ANKS1B: variants seen among roughly 807,000 people sequenced by gnomAD.
ANKS1B encodes ankyrin repeat and sterile alpha motif domain-containing protein 1B.
ANKS1B carries 36 observed loss-of-function variants against 148.3 expected under a neutral mutation model. The ratio of observed to expected loss-of-function variants is 0.24; its 90% CI spans 0.19 to 0.32. ANKS1B has a LOEUF of 0.32. ANKS1B is among the 10% of genes least tolerant of loss of function. ANKS1B has a pLI of 1.00. For missense variants in ANKS1B, 1,157 were observed against 1,542.6 expected (o/e 0.75, Z 4.19); for synonymous variants, 542 against 560.8 (o/e 0.97, Z 0.47).
At chr12:99,857,181 A>C (rs1384701176) in intron 1 of ANKS1B, among the ~76,000 whole-genome samples, 1 of 152,222 alleles carries the variant, frequency 6.6e-6, no homozygotes, top group East Asian at 1.9e-4. Flanking sequence ...TGAATTCAGC[A>C]AAGTTTCTGG....
rs2099948421 is a variant in ANKS1B, at chr12:99,025,839, G to A, written c.2778+27318C>T. Among the ~76,000 whole-genome samples the A allele has an allele frequency of 1.3e-5, 2 of 152,196 alleles. 1 individual carries two copies. Among genetic ancestry groups the A allele is most frequent in the Admixed American group, 1.3e-4 (2 of 15,280 alleles). Reference sequence around the variant, plus strand: ...AATCCACTGGAAGCTGGAGAACTGTGGGTCTAGGTGCTTCTCAGTGTCAAT... The same window carrying A: ...AATCCACTGGAAGCTGGAGAACTGTAGGTCTAGGTGCTTCTCAGTGTCAAT... On this transcript the variant is annotated intron_variant, in intron 17 of 26. Coordinates refer to ENST00000683438, the MANE Select transcript of ANKS1B (RefSeq NM_001352186.2).
chr12:98,746,018 C>T (rs1417261371), intron 26 of ANKS1B, among the ~76,000 whole-genome samples, 169 bp from the exon 27 acceptor site: 1 of 152,190 alleles, frequency 6.6e-6, no homozygotes, highest in Non-Finnish European at 1.5e-5. Flanking sequence ...TTACCGCATA[C>T]CGACTCTCTG....
chr12:99,625,045 C>A (rs1462662932), intron 9 of ANKS1B, among the ~76,000 whole-genome samples: 2 of 152,026 alleles, frequency 1.3e-5, no homozygotes, highest in Non-Finnish European at 2.9e-5. Flanking sequence ...TACATATATA[C>A]CATGGGATAC....
chr12:99,845,197 C>G (rs1360254624), intron 1 of ANKS1B, among the ~76,000 whole-genome samples: 1 of 152,196 alleles, frequency 6.6e-6, no homozygotes, highest in Non-Finnish European at 1.5e-5. Flanking sequence ...TTGACTTCCT[C>G]TCTTCCTATT....
chr12:98,931,679 C>G (rs1482755855), intron 17 of ANKS1B: 1 of 152,128 alleles, frequency 6.6e-6, no homozygotes, highest in African/African-American at 2.4e-5. Flanking sequence ...TTCCTAGACA[C>G]TTTTGTGTGT....
At chr12:99,909,517 C>T (rs1050316417) in intron 1 of ANKS1B, among the ~76,000 whole-genome samples, 9 of 152,130 alleles carry the variant, frequency 5.9e-5, no homozygotes, top group African/African-American at 2.2e-4. Context: ...ACAAAAGTTT[C>T]CTTTCCTCCA....
chr12:98,734,977 G>A, exon 10 of ANKS1B: 1 of 384,334 alleles, frequency 2.6e-6, no homozygotes. Flanking sequence ...GCCAGGTGCG[G>A]TGGCACGTGC....
At chr12:99,410,780 A>C (rs2094675709) in intron 11 of ANKS1B, among the ~76,000 whole-genome samples, 1 of 152,240 alleles carries the variant, frequency 6.6e-6, no homozygotes, top group African/African-American at 2.4e-5. Context: ...GTGCAACATA[A>C]AAAGGTAGGA....
intron 1 of ANKS1B, among the ~76,000 whole-genome samples, chr12:99,852,495 T>C (rs1012956011): frequency 3.3e-5 from 5 of 152,218 alleles, no homozygotes; most frequent in Admixed American, 1.3e-4. Context: ...TTCCATGTAA[T>C]AATTAGTTTC....
At chr12:99,160,614 C>G (rs954317651) in intron 14 of ANKS1B, among the ~76,000 whole-genome samples, 1 of 151,752 alleles carries the variant, frequency 6.6e-6, no homozygotes, top group Non-Finnish European at 1.5e-5. Flanking sequence ...TCCCAAAGTG[C>G]TGGGATTACA....
intron 11 of ANKS1B, among the ~76,000 whole-genome samples, chr12:99,438,717 A>T (rs1182834154): frequency 6.6e-6 from 1 of 151,906 alleles, no homozygotes; most frequent in South Asian, 2.1e-4. Flanking sequence ...GTAATCTGCC[A>T]TATCAACAGA....
chr12:99,036,593 A>T (rs1396925326), intron 17 of ANKS1B, among the ~76,000 whole-genome samples: 2 of 152,234 alleles, frequency 1.3e-5, no homozygotes, highest in African/African-American at 4.8e-5. Context: ...GTTCAAAATG[A>T]TTACATTATA....
At chr12:98,857,665 A>G (rs1461618059) in intron 17 of ANKS1B, among the ~76,000 whole-genome samples, 1 of 148,844 alleles carries the variant, frequency 6.7e-6, no homozygotes, top group Non-Finnish European at 1.5e-5. Flanking sequence ...ATGAATGAAT[A>G]AATGAATGAA....
At chr12:98,920,279 T>A (rs1208939890) in intron 17 of ANKS1B, among the ~76,000 whole-genome samples, 1 of 152,234 alleles carries the variant, frequency 6.6e-6, no homozygotes, top group African/African-American at 2.4e-5. Context: ...TTGATCTGGA[T>A]CAAACGCTGC....
chr12:98,861,665 T>C (rs1032753621), intron 17 of ANKS1B, among the ~76,000 whole-genome samples: 5 of 152,250 alleles, frequency 3.3e-5, no homozygotes, highest in East Asian at 1.9e-4. Flanking sequence ...GATCCTAAGA[T>C]AGCATGCAAA....
At chr12:99,349,256 A>G (rs1566938529) in intron 12 of ANKS1B, among the ~76,000 whole-genome samples, 1 of 151,994 alleles carries the variant, frequency 6.6e-6, no homozygotes, top group African/African-American at 2.4e-5. Context: ...TGTAACTAAT[A>G]TGAAAGACAA....
At chr12:98,940,533 C>G (rs1421762286) in intron 17 of ANKS1B, among the ~76,000 whole-genome samples, 9 of 152,128 alleles carry the variant, frequency 5.9e-5, no homozygotes, top group African/African-American at 2.2e-4. Flanking sequence ...CTTTTTGTAG[C>G]TTCCTGTGCT....
At chr12:99,189,212 C>G (rs188203975) in intron 14 of ANKS1B, among the ~76,000 whole-genome samples, 1 of 152,052 alleles carries the variant, frequency 6.6e-6, no homozygotes, top group East Asian at 1.9e-4. Flanking sequence ...AGCCTACCAA[C>G]CAAAAAAAAG....
Position 99,273,700 on chromosome 12 carries a change from CG to C in ANKS1B, c.1757-26837del, listed in dbSNP as rs2077330298. Among the ~76,000 whole-genome samples the C allele has an allele frequency of 1.3e-5, 2 of 151,640 alleles. 1 individual carries two copies. Among genetic ancestry groups the C allele is most frequent in the Middle Eastern group, 6.8e-3 (2 of 294 alleles). On this transcript the variant is annotated intron_variant, in intron 12 of 26. Transcript: ENST00000683438. Reference sequence around the variant, plus strand: ...TTAAGCAATTCTCTGCCTGAGCCTCCGGAGTAGCTGGGATTACAGGCGCGTG... The same window carrying C: ...TTAAGCAATTCTCTGCCTGAGCCTCCGAGTAGCTGGGATTACAGGCGCGTG...
Sources: gnomAD v4.1 joint callset for allele counts (sites outside exome capture counted in the v4.1 genomes callset) on GRCh38, gnomAD v4.1.1 for gene constraint, MANE v1.5 for transcripts, NCBI Gene and HGNC (gene_info 2026-07-23, HGNC 2026-07-21) for gene names.